Variants in CTNNA3 observed in about 807,000 individuals in gnomAD.
CTNNA3 encodes catenin alpha 3.
Under a neutral mutation model 95.7 loss-of-function variants are expected in CTNNA3, and 76 were observed. The observed-to-expected ratio is 0.79, with a 90% CI of 0.66 to 0.96. CTNNA3 has a LOEUF of 0.96. Ranked by LOEUF, CTNNA3 falls within the 40% of genes least tolerant of loss-of-function variation. The pLI, the probability that CTNNA3 is intolerant of heterozygous loss-of-function variation, is 0.00. For missense variants in CTNNA3, 1,191 were observed against 1,089.8 expected (o/e 1.09, Z -1.31); for synonymous variants, 431 against 374.4 (o/e 1.15, Z -1.74).
intron 9 of CTNNA3, among the ~76,000 whole-genome samples, chr10:66,676,993 G>C (rs1008115414): frequency 6.6e-6 from 1 of 152,134 alleles, no homozygotes; most frequent in African/African-American, 2.4e-5. Flanking sequence ...TGGTGGTACT[G>C]AGTGGTCAGA....
At chr10:66,514,088 AG>A (rs1329129655) in intron 11 of CTNNA3, among the ~76,000 whole-genome samples, 1 of 152,186 alleles carries the variant, frequency 6.6e-6, no homozygotes, top group African/African-American at 2.4e-5. Flanking sequence ...TACTAAGCCA[AG>A]GTCAAAGAAC....
intron 5 of CTNNA3, among the ~76,000 whole-genome samples, chr10:67,473,438 A>G (rs1371107313): frequency 1.3e-5 from 2 of 152,214 alleles, no homozygotes; most frequent in East Asian, 3.9e-4. Flanking sequence ...AATATTAGCG[A>G]TAACAGAGAA....
At chr10:67,047,365 A>T (rs1854818752) in intron 7 of CTNNA3, among the ~76,000 whole-genome samples, 1 of 152,176 alleles carries the variant, frequency 6.6e-6, no homozygotes, top group African/African-American at 2.4e-5. Flanking sequence ...TCTGTTAAAT[A>T]ATGTTAACTC....
intron 7 of CTNNA3, chr10:67,054,908 C>T (rs1241888413): frequency 6.6e-6 from 1 of 152,116 alleles, no homozygotes; most frequent in Non-Finnish European, 1.5e-5. Context: ...GAATGTTTTA[C>T]AAATGACTGT....
intron 7 of CTNNA3, among the ~76,000 whole-genome samples, chr10:66,810,506 A>G (rs1841831757): frequency 6.6e-6 from 1 of 152,162 alleles, no homozygotes; most frequent in African/African-American, 2.4e-5. Flanking sequence ...TCTCCCATCC[A>G]TTGACTTATT....
At chr10:66,987,145 T>C (rs1850775706) in intron 7 of CTNNA3, among the ~76,000 whole-genome samples, 1 of 152,148 alleles carries the variant, frequency 6.6e-6, no homozygotes, top group East Asian at 1.9e-4. Context: ...GCCACGTGCG[T>C]AGGTTTTGAA....
chr10:67,572,538 G>A (rs1178402287), intron 3 of CTNNA3, among the ~76,000 whole-genome samples: 2 of 152,112 alleles, frequency 1.3e-5, no homozygotes, highest in Non-Finnish European at 2.9e-5. Context: ...GATTTGATGA[G>A]ACCACCATAC....
chr10:66,570,498 A>T (rs1435568682), intron 10 of CTNNA3, among the ~76,000 whole-genome samples: 3 of 152,022 alleles, frequency 2.0e-5, no homozygotes, highest in Non-Finnish European at 4.4e-5. Flanking sequence ...CATGTTGGCC[A>T]AGATGGTCTT....
At chr10:67,600,880 A>T (rs1185254166) in intron 3 of CTNNA3, among the ~76,000 whole-genome samples, 1 of 152,198 alleles carries the variant, frequency 6.6e-6, no homozygotes, top group African/African-American at 2.4e-5. Context: ...CTACATGGTG[A>T]GCTCTCACAG....
chr10:67,025,114 A>T (rs1853274401), intron 7 of CTNNA3, among the ~76,000 whole-genome samples: 1 of 143,326 alleles, frequency 7.0e-6, no homozygotes, highest in African/African-American at 2.6e-5. Context: ...CTGAGCAACA[A>T]GAGCAAAACT....
intron 7 of CTNNA3, among the ~76,000 whole-genome samples, chr10:66,865,777 C>T (rs549297163): frequency 2.0e-4 from 30 of 151,838 alleles, no homozygotes; most frequent in African/African-American, 7.2e-4. Context: ...AGATTATATT[C>T]TTAAGGGGAA....
chr10:67,077,546 C>A (rs1856802954), intron 7 of CTNNA3, among the ~76,000 whole-genome samples: 3 of 152,152 alleles, frequency 2.0e-5, no homozygotes, highest in Non-Finnish European at 4.4e-5. Flanking sequence ...TTGAAGCATG[C>A]TTCCTCCCAC....
At chr10:67,530,187 T>C (rs556255693) in intron 4 of CTNNA3, among the ~76,000 whole-genome samples, 1 of 152,024 alleles carries the variant, frequency 6.6e-6, no homozygotes, top group Non-Finnish European at 1.5e-5. Flanking sequence ...TTGGTACCAG[T>C]AGAGTGGGGT....
chr10:66,128,818 A>G (rs1308118961), intron 13 of CTNNA3, among the ~76,000 whole-genome samples: 1 of 152,196 alleles, frequency 6.6e-6, no homozygotes, highest in African/African-American at 2.4e-5. Context: ...ACCAATTGAA[A>G]CAAATGTACC....
At chr10:66,867,547 G>A (rs1486905927) in intron 7 of CTNNA3, among the ~76,000 whole-genome samples, 1 of 152,056 alleles carries the variant, frequency 6.6e-6, no homozygotes, top group Non-Finnish European at 1.5e-5. Flanking sequence ...TGTAACTTTG[G>A]CTTCAGAGGA....
At chr10:66,247,730 A>C (rs1323059006) in intron 13 of CTNNA3, among the ~76,000 whole-genome samples, 3 of 152,216 alleles carry the variant, frequency 2.0e-5, no homozygotes, top group Non-Finnish European at 4.4e-5. Context: ...TTTACCCTAC[A>C]ATAGTATTAC....
At chr10:67,222,263 T>C (rs1230860117) in intron 5 of CTNNA3, among the ~76,000 whole-genome samples, 1 of 152,204 alleles carries the variant, frequency 6.6e-6, no homozygotes, top group Non-Finnish European at 1.5e-5. Context: ...CTGTTCATAG[T>C]CACTAATCAC....
chr10:67,253,042 A>T (rs936121296), intron 5 of CTNNA3, among the ~76,000 whole-genome samples: 1 of 152,174 alleles, frequency 6.6e-6, no homozygotes, highest in Non-Finnish European at 1.5e-5. Flanking sequence ...AAGAAATTTC[A>T]ATTTTGCACT....
At chr10:66,272,457 C>T (rs73317857) in intron 13 of CTNNA3, among the ~76,000 whole-genome samples, 5 of 152,114 alleles carry the variant, frequency 3.3e-5, no homozygotes, top group Non-Finnish European at 5.9e-5. Flanking sequence ...ATTTGATAGC[C>T]GTTAGGACTA....
Sources: gnomAD v4.1 joint callset for allele counts (sites outside exome capture counted in the v4.1 genomes callset) on GRCh38, gnomAD v4.1.1 for gene constraint, MANE v1.5 for transcripts, NCBI Gene and HGNC (gene_info 2026-07-23, HGNC 2026-07-21) for gene names.